The following CDKN2B-AS1 variants were observed in gnomAD, a reference collection of about 807,000 sequenced individuals.
The protein encoded by CDKN2B-AS1 is CDKN2B antisense RNA 1 (non-protein coding).
rs1320630813 is a variant in CDKN2B-AS1 at position 21,999,671 on chromosome 9, G to T, written n.29+4510G>T. The stretch of plus-strand genomic sequence containing the variant: ...CAGAAATGTTTCTTTATAGCAGTGT[G>T]TATTAGCAAACAAAGTGCAAGAAAG... On this transcript the variant is annotated intron_variant and non_coding_transcript_variant, in intron 1 of 4. Coordinates refer to ENST00000650946, the Ensembl canonical transcript of CDKN2B-AS1. The surrounding 1 kb of genome is among the most constrained non-coding windows in gnomAD (Gnocchi z 4.7). Among the ~76,000 whole-genome samples, 2 of 152,138 alleles carry T rather than the reference G, an allele frequency of 1.3e-5. No homozygotes were observed. Among genetic ancestry groups the T allele is most frequent in the Non-Finnish European group, 2.9e-5 (2 of 68,000 alleles).
chr9:22,009,670 CGAGA>C (rs1159155503), intron 1 of CDKN2B-AS1, among the ~76,000 whole-genome samples: 7 of 152,276 alleles, frequency 4.6e-5, no homozygotes, highest in Admixed American at 1.3e-4. Context: ...CCCTTGTGAC[CGAGA>C]GAAAGTCATT....
intron 4 of CDKN2B-AS1, among the ~76,000 whole-genome samples, chr9:22,099,499 G>A (rs72652460): frequency 7.0e-4 from 107 of 152,176 alleles, no homozygotes; most frequent in Admixed American, 1.3e-3. Context: ...GCACATATAC[G>A]TACTTTTTTA....
In CDKN2B-AS1 at chr9:22,028,316, A is replaced by G. The variant is rs188815975; in HGVS notation, n.30-18435A>G. ...ATTGCAAACTGATTGTTCATCTCAGAAAAACCTTGGCAGAGTTAAAATAAA... is the reference window on the plus strand; with the variant it reads ...ATTGCAAACTGATTGTTCATCTCAGGAAAACCTTGGCAGAGTTAAAATAAA... On this transcript the variant is annotated intron_variant and non_coding_transcript_variant, in intron 1 of 4. Transcript: ENST00000650946. 4.7e-4 allele frequency among the ~76,000 whole-genome samples: 72 copies of G among 152,284 alleles called. 1 individual carries two copies. The highest frequency in any genetic ancestry group is 1.7e-3 in the African/African-American group (71 of 41,580).
intron 4 of CDKN2B-AS1, among the ~76,000 whole-genome samples, chr9:22,097,941 G>T (rs915576436): frequency 6.6e-6 from 1 of 152,134 alleles, no homozygotes; most frequent in Non-Finnish European, 1.5e-5. Flanking sequence ...AAGACTTGAG[G>T]CTATGAGTCA....
chr9:22,036,611 A>G (rs1822699230), intron 1 of CDKN2B-AS1, among the ~76,000 whole-genome samples: 1 of 152,076 alleles, frequency 6.6e-6, no homozygotes, highest in Non-Finnish European at 1.5e-5. Flanking sequence ...CTATTAATAT[A>G]TTTTTAGCTT....
At chr9:22,110,532 T>A (rs1330833560) in intron 4 of CDKN2B-AS1, among the ~76,000 whole-genome samples, 1 of 152,178 alleles carries the variant, frequency 6.6e-6, no homozygotes, top group African/African-American at 2.4e-5. Context: ...ATGGATCCCA[T>A]CTTTTAATGA....
chr9:22,051,446 T>C (rs1172439151), intron 3 of CDKN2B-AS1, among the ~76,000 whole-genome samples: 1 of 152,216 alleles, frequency 6.6e-6, no homozygotes, highest in Non-Finnish European at 1.5e-5. Flanking sequence ...TTGGTATTGA[T>C]TTGATGATTT....
At chr9:22,018,979 A>G (rs1159605501) in intron 1 of CDKN2B-AS1, among the ~76,000 whole-genome samples, 1 of 152,222 alleles carries the variant, frequency 6.6e-6, no homozygotes, top group Non-Finnish European at 1.5e-5. Flanking sequence ...TGAGGTCTGC[A>G]GTATTATAGA....
At position 22,005,802 on chromosome 9, in the gene CDKN2B-AS1, A is replaced by G; in HGVS notation, n.29+10641A>G. Reference sequence around the variant, plus strand: ...TGGTGAGTGTCGAGGGCCAGATAAGACAAAGAAAAAAATGTATGGAAGGTT... The same window carrying G: ...TGGTGAGTGTCGAGGGCCAGATAAGGCAAAGAAAAAAATGTATGGAAGGTT... On this transcript the variant is annotated intron_variant and non_coding_transcript_variant, in intron 1 of 4. Transcript: ENST00000650946. The surrounding 1 kb of genome is among the most constrained non-coding windows in gnomAD (Gnocchi z 4.9). The G allele has an allele frequency of 1.4e-6, 1 of 737,668 alleles. No homozygotes were observed. The highest frequency in any genetic ancestry group is 2.2e-6 in the Non-Finnish European group (1 of 447,418). 45.7% of individuals were successfully genotyped at this position (737,668 alleles called of 1,614,324 possible).
chr9:22,008,600 A>C (rs1300059678), intron 1 of CDKN2B-AS1: 7 of 1,496,672 alleles, frequency 4.7e-6, no homozygotes, highest in Middle Eastern at 1.7e-4. Flanking sequence ...AAAAAAGCTT[A>C]AACAGTGGGT....
intron 1 of CDKN2B-AS1, among the ~76,000 whole-genome samples, chr9:22,019,420 A>G (rs1214828268): frequency 6.6e-6 from 1 of 152,210 alleles, no homozygotes; most frequent in Non-Finnish European, 1.5e-5. Flanking sequence ...TTTAAGACAT[A>G]TTTAAAGAAT....
chr9:22,026,530 G>T (rs1026800739), intron 1 of CDKN2B-AS1, among the ~76,000 whole-genome samples: 2 of 152,244 alleles, frequency 1.3e-5, no homozygotes, highest in Non-Finnish European at 2.9e-5. Flanking sequence ...TTGTACCAGG[G>T]AGGCACAATG....
At chr9:22,002,826 G>T (rs920924523) in intron 1 of CDKN2B-AS1, 8 of 166,018 alleles carry the variant, frequency 4.8e-5, no homozygotes, top group East Asian at 2.3e-4. Flanking sequence ...CATAGATTTT[G>T]CTTTAACAGC....
chr9:22,091,343 GT>G (rs1278341273), intron 4 of CDKN2B-AS1, among the ~76,000 whole-genome samples: 1 of 152,124 alleles, frequency 6.6e-6, no homozygotes, highest in African/African-American at 2.4e-5. Context: ...CTTTAAAGTA[GT>G]TTTTTCCAGT....
intron 4 of CDKN2B-AS1, among the ~76,000 whole-genome samples, chr9:22,125,518 C>G (rs141631698): frequency 6.6e-6 from 1 of 152,160 alleles, no homozygotes; most frequent in South Asian, 2.1e-4. Flanking sequence ...AGCAGCCACT[C>G]GCAGAGGTAA....
chr9:22,005,652 C>G lies in CDKN2B-AS1; in HGVS notation n.29+10491C>G, dbSNP rs1821136538. On this transcript the variant is annotated intron_variant and non_coding_transcript_variant, in intron 1 of 4. Transcript: ENST00000650946. This position sits in a 1 kb window ranked among gnomAD's most constrained non-coding sequence, Gnocchi z 4.9. ...GATTCATCCATCGGAAGATTCGTAG[C>G]CACCAGGTCCAGTCAAGGATTTCAT... The G allele has an allele frequency of 2.1e-6, 1 of 472,916 alleles. No homozygotes were observed. The highest frequency in any genetic ancestry group is 1.9e-5 in the African/African-American group (1 of 51,966). 29.3% of individuals were successfully genotyped at this position (472,916 alleles called of 1,614,324 possible).
chr9:22,028,988 C>G (rs1432557538), intron 1 of CDKN2B-AS1, among the ~76,000 whole-genome samples: 1 of 151,816 alleles, frequency 6.6e-6, no homozygotes, highest in Non-Finnish European at 1.5e-5. Flanking sequence ...ACTTGTTTCT[C>G]TAACTGGCTT....
At chr9:22,012,474 C>CAAGAA in intron 1 of CDKN2B-AS1, 1 of 693,204 alleles carries the variant, frequency 1.4e-6, no homozygotes, top group South Asian at 1.4e-5. Context: ...CACCCCTATG[C>CAAGAA]TGTCAATTGC....
intron 1 of CDKN2B-AS1, among the ~76,000 whole-genome samples, chr9:22,040,888 G>C (rs1305869222): frequency 6.6e-6 from 1 of 152,014 alleles, no homozygotes; most frequent in Non-Finnish European, 1.5e-5. Context: ...TACTCAAGAG[G>C]TTCCCTGACT....
Sources: gnomAD v4.1 joint callset for allele counts (sites outside exome capture counted in the v4.1 genomes callset) on GRCh38, gnomAD v4.1.1 for gene constraint, Gnocchi (gnomAD v3.1) non-coding constraint, MANE v1.5 for transcripts, NCBI Gene and HGNC (gene_info 2026-07-23, HGNC 2026-07-21) for gene names.